CUBN: variants seen among roughly 807,000 people sequenced by gnomAD.
CUBN encodes the protein cubilin.
In CUBN, 282 loss-of-function variants were observed where a neutral mutation model predicts 405.3. The observed-to-expected ratio is 0.70, with a 90% CI of 0.63 to 0.77. The LOEUF is 0.77. Among genes scored for constraint, CUBN ranks in the 30% least tolerant of loss-of-function variants. The pLI is 0.00. For synonymous variants in CUBN, 1,684 were observed against 1,617.0 expected, an observed-to-expected ratio of 1.04 and a Z score of -0.99; for missense variants, 4,514 against 4,475.2, an observed-to-expected ratio of 1.01 and a Z score of -0.25.
chr10:16,992,582 A>C (rs1000960243), intron 28 of CUBN, among the ~76,000 whole-genome samples: 1 of 128,464 alleles, frequency 7.8e-6, no homozygotes, highest in African/African-American at 3.3e-5. Flanking sequence ...TTAAGGAGTT[A>C]AAAAAAAAAT....
intron 12 of CUBN, 70 bp from the exon 13 acceptor site, chr10:17,103,307 T>TG (rs1836541719): frequency 2.2e-6 from 2 of 921,502 alleles, no homozygotes. Flanking sequence ...ACTGTAACCC[T>TG]GCTGCTGATA....
intron 14 of CUBN, among the ~76,000 whole-genome samples, chr10:17,092,686 T>C (rs77233940): frequency 0.042 from 6,422 of 152,150 alleles, 229 homozygotes; most frequent in South Asian, 0.2. Context: ...CATGGTAACA[T>C]CAGGAAGTTA....
intron 40 of CUBN, among the ~76,000 whole-genome samples, chr10:16,931,005 A>T (rs1276723): frequency 2.6e-5 from 4 of 151,768 alleles, no homozygotes; most frequent in African/African-American, 7.3e-5. Context: ...ACCTGTAATC[A>T]CAGCACTTTG....
At chr10:16,875,776 T>C (rs1046326511) in intron 57 of CUBN, among the ~76,000 whole-genome samples, 14 of 152,364 alleles carry the variant, frequency 9.2e-5, no homozygotes, top group Admixed American at 9.1e-4. Context: ...TACTAGAATA[T>C]ATTGAATCTT....
At chr10:16,977,063 T>G (rs1833120954) in intron 31 of CUBN, among the ~76,000 whole-genome samples, 1 of 152,224 alleles carries the variant, frequency 6.6e-6, no homozygotes, top group Non-Finnish European at 1.5e-5. Flanking sequence ...GTGGATTTGT[T>G]TCTATTGTCT....
At chr10:16,933,503 T>A (rs555070215) in intron 39 of CUBN, among the ~76,000 whole-genome samples, 1 of 152,314 alleles carries the variant, frequency 6.6e-6, no homozygotes, top group East Asian at 1.9e-4. Flanking sequence ...GTGTTCTCCA[T>A]TTTCACCATA....
At position 17,074,580 on chromosome 10, in the gene CUBN, G is replaced by A. The variant is rs116753339; in HGVS notation, c.2302-2609C>T. ...AATTTTCCAGGATTACAAGTAGAGT[G>A]TAAATTGAAGATTCTTTCTCCTGGA... On this transcript the variant is annotated intron_variant, in intron 17 of 66. Coordinates refer to ENST00000377833, the MANE Select transcript of CUBN (RefSeq NM_001081.4). Among the ~76,000 whole-genome samples the A allele has an allele frequency of 8.8e-3, 1,334 of 152,262 alleles. 21 individuals carry two copies. The highest frequency in any genetic ancestry group is 0.031 in the African/African-American group (1,286 of 41,548).
In CUBN at chr10:17,115,699, T is replaced by C. The variant is rs1453516353; in HGVS notation, c.594-102A>G. The C allele has an allele frequency of 3.5e-6, 5 of 1,440,736 alleles. No individual in the cohort carries two copies. In the South Asian group the frequency reaches 3.5e-5, roughly 10 times the overall value. The allele number at this position is 1,440,736 out of a possible 1,614,324, so 89.2% of individuals were successfully genotyped here. On this transcript the variant is annotated intron_variant, in intron 6 of 66. Coordinates refer to ENST00000377833, the MANE Select transcript of CUBN (RefSeq NM_001081.4). The stretch of plus-strand genomic sequence containing the variant: ...AATAATTCAAATTACAAATCAACGA[T>C]GTTAACTTGGAATCGTCAGCCAGCA...
chr10:17,060,199 G>T (rs905458768), intron 22 of CUBN, among the ~76,000 whole-genome samples: 1 of 151,352 alleles, frequency 6.6e-6, no homozygotes, highest in Non-Finnish European at 1.5e-5. Context: ...TTCTCTCACC[G>T]CAACCTCCGC....
intron 14 of CUBN, among the ~76,000 whole-genome samples, chr10:17,089,656 T>C (rs1034883059): frequency 6.6e-6 from 1 of 152,212 alleles, no homozygotes; most frequent in African/African-American, 2.4e-5. Flanking sequence ...GAATGCAAGA[T>C]GGTACGATCA....
chr10:16,860,029 G>A (rs1839969921), intron 59 of CUBN, among the ~76,000 whole-genome samples: 1 of 151,918 alleles, frequency 6.6e-6, no homozygotes, highest in South Asian at 2.1e-4. Flanking sequence ...AATCTCTAAG[G>A]TAACTACTGA....
chr10:17,003,055 G>A (rs1833932259), intron 28 of CUBN, among the ~76,000 whole-genome samples: 1 of 152,138 alleles, frequency 6.6e-6, no homozygotes, highest in Non-Finnish European at 1.5e-5. Flanking sequence ...TAAACAGGAT[G>A]GGATATAGCA....
chr10:16,938,947 G>C lies in CUBN; in HGVS notation c.5733+16C>G. 6.3e-7 allele frequency: 1 copy of C among 1,597,670 alleles called. No individual in the cohort carries two copies. Among genetic ancestry groups the C allele is most frequent in the Non-Finnish European group, 8.6e-7 (1 of 1,166,426 alleles). On this transcript the variant is annotated intron_variant, in intron 38 of 66. Coordinates refer to ENST00000377833, the MANE Select transcript of CUBN (RefSeq NM_001081.4). ...TCACCAATATTTATGAACATTGATT[G>C]CATGTGGAAACTCACCCTTAATTTG...
intron 12 of CUBN, among the ~76,000 whole-genome samples, chr10:17,103,799 C>A (rs1188117200): frequency 6.6e-6 from 1 of 152,150 alleles, no homozygotes; most frequent in African/African-American, 2.4e-5. Flanking sequence ...ACAGACACAT[C>A]TGGATGAGAA....
chr10:17,011,842 G>A (rs191258641), intron 28 of CUBN, among the ~76,000 whole-genome samples: 21 of 138,368 alleles, frequency 1.5e-4, no homozygotes, highest in Admixed American at 2.7e-4. Flanking sequence ...GACACAGAGC[G>A]CTGATTGGTG....
chr10:17,007,921 C>T (rs1001657241), intron 28 of CUBN, among the ~76,000 whole-genome samples: 2 of 151,976 alleles, frequency 1.3e-5, no homozygotes, highest in Non-Finnish European at 2.9e-5. Flanking sequence ...TTTGAGAGGC[C>T]GAAGCAAGCA....
intron 14 of CUBN, among the ~76,000 whole-genome samples, chr10:17,091,990 C>A (rs1836268800): frequency 6.6e-6 from 1 of 152,150 alleles, no homozygotes; most frequent in African/African-American, 2.4e-5. Context: ...TATGGACTCA[C>A]CCCATATTCT....
chr10:16,973,299 G>A (rs1344373058), intron 31 of CUBN, among the ~76,000 whole-genome samples: 2 of 152,120 alleles, frequency 1.3e-5, no homozygotes, highest in Non-Finnish European at 2.9e-5. Context: ...CCTCCAGTGT[G>A]AACGCTTCCC....
intron 31 of CUBN, among the ~76,000 whole-genome samples, chr10:16,973,212 C>T (rs11814463): frequency 0.022 from 3,304 of 152,296 alleles, 132 homozygotes; most frequent in African/African-American, 0.076. Context: ...CACCATTTCC[C>T]CATCCTTCCC....
Sources: gnomAD v4.1 joint callset for allele counts (sites outside exome capture counted in the v4.1 genomes callset) on GRCh38, gnomAD v4.1.1 for gene constraint, MANE v1.5 for transcripts, NCBI Gene and HGNC (gene_info 2026-07-23, HGNC 2026-07-21) for gene names.